The following PTPRD variants were observed in gnomAD, a reference collection of about 807,000 sequenced individuals.
PTPRD encodes receptor-type tyrosine-protein phosphatase delta.
Under a neutral mutation model 214.5 loss-of-function variants are expected in PTPRD, and 34 were observed. The ratio of observed to expected loss-of-function variants is 0.16; its 90% CI spans 0.12 to 0.21. PTPRD has a LOEUF of 0.21. Ranked by LOEUF, PTPRD falls within the 10% of genes least tolerant of loss-of-function variation. The pLI, the probability that PTPRD is intolerant of heterozygous loss-of-function variation, is 1.00. For missense variants in PTPRD, 2,545 were observed against 2,398.7 expected (o/e 1.06, Z -1.27); for synonymous variants, 1,128 against 845.7 (o/e 1.33, Z -5.79).
chr9:8,698,749 C>T (rs2097993421), intron 12 of PTPRD, among the ~76,000 whole-genome samples: 1 of 152,130 alleles, frequency 6.6e-6, no homozygotes, highest in Non-Finnish European at 1.5e-5. Flanking sequence ...CAGAAATCGC[C>T]TTTTCGCAGG....
chr9:9,331,529 C>T (rs538362664), intron 9 of PTPRD, among the ~76,000 whole-genome samples: 5 of 152,008 alleles, frequency 3.3e-5, no homozygotes, highest in Admixed American at 2.0e-4. Flanking sequence ...TTGTCAGGAA[C>T]AGGCAGTATA....
chr9:9,399,102 T>C (rs1478341949), intron 8 of PTPRD, among the ~76,000 whole-genome samples: 2 of 152,054 alleles, frequency 1.3e-5, no homozygotes, highest in African/African-American at 4.8e-5. Flanking sequence ...AAAATAATTA[T>C]AAATCCACTA....
chr9:9,802,761 A>G (rs901250127), intron 5 of PTPRD, among the ~76,000 whole-genome samples: 4 of 151,880 alleles, frequency 2.6e-5, no homozygotes, highest in African/African-American at 9.6e-5. Flanking sequence ...TTTTCTCCAT[A>G]TATTATCTGA....
At chr9:10,102,825 A>T (rs17681236) in intron 3 of PTPRD, among the ~76,000 whole-genome samples, 3,574 of 151,804 alleles carry the variant, frequency 0.024, 58 homozygotes, top group Middle Eastern at 0.068. Context: ...GAAACATTAC[A>T]CTTACATTCT....
chr9:10,179,363 G>A (rs72696954), intron 3 of PTPRD, among the ~76,000 whole-genome samples: 8,364 of 151,930 alleles, frequency 0.055, 318 homozygotes, highest in Admixed American at 0.1. Flanking sequence ...TGCCAACATA[G>A]AAAGCAGTCA....
At chr9:10,601,308 AAT>A (rs2077914002) in intron 2 of PTPRD, among the ~76,000 whole-genome samples, 1 of 151,206 alleles carries the variant, frequency 6.6e-6, no homozygotes, top group Non-Finnish European at 1.5e-5. Context: ...TTAAAAAAAA[AAT>A]GTTGGCCTGA....
At chr9:9,441,543 A>T (rs2087809098) in intron 8 of PTPRD, among the ~76,000 whole-genome samples, 1 of 152,170 alleles carries the variant, frequency 6.6e-6, no homozygotes. Context: ...TGATGAACTA[A>T]ATGATCTGTT....
intron 3 of PTPRD, among the ~76,000 whole-genome samples, chr9:10,076,565 T>C (rs1245029230): frequency 6.6e-6 from 1 of 152,100 alleles, no homozygotes; most frequent in African/African-American, 2.4e-5. Flanking sequence ...CCTCACTGTT[T>C]GGTGCTTCTT....
At chr9:10,224,732 T>A (rs1392040192) in intron 3 of PTPRD, among the ~76,000 whole-genome samples, 1 of 151,998 alleles carries the variant, frequency 6.6e-6, no homozygotes, top group Non-Finnish European at 1.5e-5. Flanking sequence ...TCACTTCCAC[T>A]GAGACAGGAA....
At chr9:10,030,968 T>C (rs2097054353) in intron 4 of PTPRD, among the ~76,000 whole-genome samples, 1 of 152,212 alleles carries the variant, frequency 6.6e-6, no homozygotes, top group Non-Finnish European at 1.5e-5. Context: ...ATAACACAGA[T>C]ACCTTTGTGA....
chr9:9,310,641 G>C (rs1424991159), intron 9 of PTPRD, among the ~76,000 whole-genome samples: 1 of 152,168 alleles, frequency 6.6e-6, no homozygotes, highest in South Asian at 2.1e-4. Flanking sequence ...TTCTGGGCCA[G>C]GTGTGGTGGC....
At chr9:9,590,854 C>G (rs923834239) in intron 7 of PTPRD, among the ~76,000 whole-genome samples, 2 of 152,022 alleles carry the variant, frequency 1.3e-5, no homozygotes, top group African/African-American at 4.8e-5. Context: ...CTCTTTCTCA[C>G]GTATGTGGCA....
At chr9:9,106,612 C>CA (rs5896301) in intron 10 of PTPRD, among the ~76,000 whole-genome samples, 38,658 of 71,428 alleles carry the variant, frequency 0.54, 10,145 homozygotes, top group Non-Finnish European at 0.62. Flanking sequence ...ATTCCATAGG[C>CA]AAAAAAAAAA....
intron 8 of PTPRD, among the ~76,000 whole-genome samples, chr9:9,479,213 ACG>A (rs2095275427): frequency 2.8e-5 from 1 of 36,290 alleles, no homozygotes; most frequent in South Asian, 1.5e-3. Flanking sequence ...ATACACACAC[ACG>A]CCCCCCCCCC....
At chr9:10,521,463 T>C (rs1269277850) in intron 2 of PTPRD, among the ~76,000 whole-genome samples, 1 of 152,158 alleles carries the variant, frequency 6.6e-6, no homozygotes, top group Non-Finnish European at 1.5e-5. Context: ...CAATAAATGA[T>C]TAGAATATTC....
intron 7 of PTPRD, among the ~76,000 whole-genome samples, chr9:9,731,122 A>G (rs1471809569): frequency 3.9e-5 from 6 of 152,162 alleles, no homozygotes; most frequent in Non-Finnish European, 8.8e-5. Flanking sequence ...GCTATGTAGG[A>G]AGTGTCAGTT....
intron 9 of PTPRD, among the ~76,000 whole-genome samples, chr9:9,356,096 T>C (rs1175043637): frequency 6.6e-6 from 1 of 151,226 alleles, no homozygotes; most frequent in Non-Finnish European, 1.5e-5. Context: ...AGAAGAGGTA[T>C]AAAGAAGAAT....
At chr9:10,514,922 G>T (rs1461845533) in intron 2 of PTPRD, among the ~76,000 whole-genome samples, 1 of 151,918 alleles carries the variant, frequency 6.6e-6, no homozygotes, top group Non-Finnish European at 1.5e-5. Context: ...GGGAACCAGG[G>T]TAAAAAGATG....
intron 37 of PTPRD, among the ~76,000 whole-genome samples, chr9:8,388,249 G>T (rs1402804863): frequency 1.3e-5 from 2 of 152,116 alleles, no homozygotes; most frequent in Admixed American, 1.3e-4. Flanking sequence ...TCCATGTGTT[G>T]AGCTTAGAAG....
Sources: allele counts gnomAD v4.1 joint callset (sites outside exome capture counted in the v4.1 genomes callset), GRCh38; gene constraint gnomAD v4.1.1; transcripts MANE v1.5; gene names NCBI Gene and HGNC (gene_info 2026-07-23, HGNC 2026-07-21).